The following TGDS variants were observed in gnomAD, a reference collection of about 807,000 sequenced individuals.
The protein encoded by TGDS is UDP-D-glucose 4,6-dehydratase.
Under a neutral mutation model 52.3 loss-of-function variants are expected in TGDS, and 47 were observed. The observed-to-expected ratio is 0.90, with a 90% CI of 0.71 to 1.15. The LOEUF (loss-of-function observed/expected upper bound fraction) is 1.15, where lower values mean the gene tolerates loss of function less well. Among genes scored for constraint, TGDS ranks in the 50% most tolerant of loss-of-function variants. The probability of loss-of-function intolerance (pLI) is 0.00; values close to 1 mark genes in which losing one functional copy is unlikely to be tolerated. For missense variants in TGDS, 375 were observed against 418.4 expected (o/e 0.90, Z 0.90); for synonymous variants, 115 against 136.9 (o/e 0.84, Z 1.12).
At chr13:94,577,924 A>G in intron 9 of TGDS, 81 bp downstream of exon 9, 1 of 1,357,676 alleles carries the variant, frequency 7.4e-7, no homozygotes, top group South Asian at 1.5e-5. Flanking sequence ...AAATTAAGTA[A>G]GCTGTATGCT....
intron 2 of TGDS, 148 bp downstream of exon 2, chr13:94,593,693 C>T (rs1889281230): frequency 2.1e-6 from 1 of 486,572 alleles, no homozygotes; most frequent in Non-Finnish European, 3.7e-6. Context: ...TTAAATACAG[C>T]ATGAGCACAT....
chr13:94,581,144 A>G lies in TGDS; in HGVS notation c.502T>C (p.Ser168Pro). ...SPKQPTNPYA[S>P]SKAAAECFVQ... ...AAACATTCAGCAGCTGCTTTAGATG[A>G]TGCATAAGGATTTGTAGGTTGTTTG... Residue 168 changes from serine to proline, a missense_variant, in exon 6 of 12, where the codon TCA becomes CCA. Transcript: ENST00000261296. The G allele has an allele frequency of 6.3e-7, 1 of 1,596,234 alleles. No homozygotes were observed. The highest frequency in any genetic ancestry group is 8.5e-7 in the Non-Finnish European group (1 of 1,170,764).
chr13:94,585,111 G>A (rs1457319285), intron 4 of TGDS, among the ~76,000 whole-genome samples: 6 of 151,474 alleles, frequency 4.0e-5, no homozygotes, highest in South Asian at 2.1e-4. Flanking sequence ...GTGTAGTGGC[G>A]CAATCTCAGT....
Position 94,581,353 on chromosome 13 carries a change from G to A in TGDS, c.457-164C>T, listed in dbSNP as rs9556402. Among the ~76,000 whole-genome samples the A allele has an allele frequency of 0.67, 101,148 of 152,074 alleles. 33,870 individuals are homozygous for A. The highest frequency in any genetic ancestry group is 0.73 in the Middle Eastern group (214 of 294). ...AAGGACATGTGGTAACTTCTTTAAC[G>A]TGCACAACAATCCTATATAGCAGAG... On this transcript the variant is annotated intron_variant, in intron 5 of 11. Coordinates refer to ENST00000261296, the MANE Select transcript of TGDS (RefSeq NM_014305.4).
chr13:94,582,899 G>A (rs1487180135), intron 5 of TGDS, among the ~76,000 whole-genome samples, 195 bp downstream of exon 5: 4 of 152,092 alleles, frequency 2.6e-5, no homozygotes, highest in African/African-American at 9.7e-5. Context: ...CCTTGTGATC[G>A]TGTGAGTTAA....
rs1460735523 is a variant in TGDS, at chr13:94,574,734, T to C, written c.*48A>G. ...CTTAATTTCATACCACTTGGCGAGGTAGGATAACTTTCTTCTTTGACAACT... is the reference window on the plus strand; with the variant it reads ...CTTAATTTCATACCACTTGGCGAGGCAGGATAACTTTCTTCTTTGACAACT... On this transcript the variant is annotated 3_prime_UTR_variant, in exon 12 of 12. Transcript: ENST00000261296. 3.4e-6 allele frequency: 4 copies of C among 1,182,356 alleles called. No homozygotes were observed. Among genetic ancestry groups the C allele is most frequent in the Middle Eastern group, 2.0e-4 (1 of 5,106 alleles). The allele number at this position is 1,182,356 out of a possible 1,614,324, so 73.2% of individuals were successfully genotyped here.
At chr13:94,592,880 G>T (rs919283809) in intron 2 of TGDS, among the ~76,000 whole-genome samples, 1 of 152,128 alleles carries the variant, frequency 6.6e-6, no homozygotes, top group East Asian at 1.9e-4. Flanking sequence ...TTCCTAGCTG[G>T]GGGTGGTGGC....
intron 2 of TGDS, among the ~76,000 whole-genome samples, chr13:94,593,031 G>A (rs538170749): frequency 1.3e-5 from 2 of 152,166 alleles, no homozygotes; most frequent in Admixed American, 1.3e-4. Flanking sequence ...GCATGTGCCT[G>A]TAATCCCAGC....
intron 4 of TGDS, among the ~76,000 whole-genome samples, chr13:94,589,692 C>T (rs1304140254): frequency 6.6e-6 from 1 of 152,136 alleles, no homozygotes; most frequent in Non-Finnish European, 1.5e-5. Flanking sequence ...AGTACTTAAT[C>T]TTATTAGTAA....
chr13:94,591,038 CCT>C, intron 3 of TGDS, 95 bp from the exon 4 acceptor site: 1 of 794,586 alleles, frequency 1.3e-6, no homozygotes, highest in Non-Finnish European at 2.0e-6. Flanking sequence ...CTCCCACCTC[CCT>C]GTTTAATAGA....
chr13:94,588,551 C>A (rs542259168), intron 4 of TGDS, among the ~76,000 whole-genome samples: 1 of 149,646 alleles, frequency 6.7e-6, no homozygotes, highest in African/African-American at 2.5e-5. Context: ...AAAAAACTGA[C>A]AACCTAATAG....
chr13:94,577,278 TA>T, intron 10 of TGDS, 92 bp downstream of exon 10: 10 of 951,290 alleles, frequency 1.1e-5, no homozygotes, highest in Non-Finnish European at 1.4e-5. Flanking sequence ...TCAAAACAGA[TA>T]AACTAGTTAT....
chr13:94,579,113 C>T (rs1888704947), intron 7 of TGDS, among the ~76,000 whole-genome samples: 1 of 152,158 alleles, frequency 6.6e-6, no homozygotes, highest in Admixed American at 6.5e-5. Context: ...ACATATAGCA[C>T]CTATGCATTA....
intron 7 of TGDS, 67 bp from the exon 8 acceptor site, chr13:94,578,840 C>T (rs1264240590): frequency 3.1e-6 from 3 of 982,140 alleles, no homozygotes; most frequent in Admixed American, 2.5e-5. Context: ...TGAACTCATA[C>T]CAAAATTAAA....
chr13:94,578,247 C>T (rs1888670612), intron 8 of TGDS, 77 bp from the exon 9 acceptor site: 1 of 1,336,938 alleles, frequency 7.5e-7, no homozygotes, highest in Admixed American at 2.2e-5. Flanking sequence ...GGTACTACAA[C>T]TCCAGAGAAG....
intron 4 of TGDS, among the ~76,000 whole-genome samples, chr13:94,586,443 C>A (rs1298899066): frequency 2.0e-5 from 3 of 152,198 alleles, no homozygotes; most frequent in African/African-American, 7.2e-5. Context: ...ATAAAAGGTT[C>A]AATTCACCAG....
At chr13:94,577,542 G>C in intron 9 of TGDS, 113 bp from the exon 10 acceptor site, 1 of 763,980 alleles carries the variant, frequency 1.3e-6, no homozygotes. Context: ...AGGGAAGACA[G>C]CTAAAATGAA....
intron 1 of TGDS, among the ~76,000 whole-genome samples, chr13:94,594,833 C>T (rs1889322561): frequency 6.6e-6 from 1 of 152,152 alleles, no homozygotes; most frequent in African/African-American, 2.4e-5. Flanking sequence ...ATTCCCACTT[C>T]TTCCACTAGC....
chr13:94,590,702 T>C, intron 4 of TGDS, 151 bp downstream of exon 4: 1 of 558,276 alleles, frequency 1.8e-6, no homozygotes, highest in Non-Finnish European at 3.1e-6. Context: ...AATAAAAGTA[T>C]CTAAAAAGTG....
Sources: gnomAD v4.1 joint callset for allele counts (sites outside exome capture counted in the v4.1 genomes callset) on GRCh38, gnomAD v4.1.1 for gene constraint, MANE v1.5 for transcripts, NCBI Gene and HGNC (gene_info 2026-07-23, HGNC 2026-07-21) for gene names.